ZNF385D: variants seen among roughly 807,000 people sequenced by gnomAD.
ZNF385D encodes the protein zinc finger protein 659.
A neutral mutation model predicts 35.8 loss-of-function variants in ZNF385D; 15 were observed. That is an observed-to-expected ratio of 0.42 (90% CI 0.28 to 0.64). ZNF385D has a LOEUF of 0.64. Among genes scored for constraint, ZNF385D ranks in the 30% least tolerant of loss-of-function variants. The pLI is 0.23. For missense variants in ZNF385D, 474 were observed against 494.6 expected (o/e 0.96, Z 0.39); for synonymous variants, 212 against 186.8 (o/e 1.13, Z -1.10).
chr3:22,270,768 C>A (rs1475194789), intron 2 of ZNF385D, among the ~76,000 whole-genome samples: 3 of 152,046 alleles, frequency 2.0e-5, no homozygotes, highest in East Asian at 1.9e-4. Context: ...CGTAGTGAAT[C>A]TTACCCCGAC....
intron 2 of ZNF385D, among the ~76,000 whole-genome samples, chr3:22,176,527 CATTAA>C (rs1179673015): frequency 6.6e-6 from 1 of 152,122 alleles, no homozygotes; most frequent in Non-Finnish European, 1.5e-5. Context: ...CACAGCATCA[CATTAA>C]ATTTGTTGGT....
intron 3 of ZNF385D, among the ~76,000 whole-genome samples, chr3:21,779,898 C>CA (rs1431950044): frequency 6.6e-6 from 1 of 151,646 alleles, no homozygotes; most frequent in Non-Finnish European, 1.5e-5. Flanking sequence ...ATACTTAGTC[C>CA]GAAAATTAAA....
intron 2 of ZNF385D, among the ~76,000 whole-genome samples, chr3:22,218,281 T>C (rs980554838): frequency 6.6e-6 from 1 of 152,122 alleles, no homozygotes. Context: ...CTTATTCACC[T>C]TTGACTAATT....
chr3:22,346,151 T>A lies in ZNF385D; in HGVS notation c.106+26299A>T, dbSNP rs1165850212. On this transcript the variant is annotated intron_variant, in intron 2 of 5. Transcript: ENST00000494108. ...GACATACATGAATTTATTTTCATATTTCCCACTCCTGTTAGCCTTTATGCC... is the reference window on the plus strand; with the variant it reads ...GACATACATGAATTTATTTTCATATATCCCACTCCTGTTAGCCTTTATGCC... 2.6e-5 allele frequency among the ~76,000 whole-genome samples: 4 copies of A among 152,220 alleles called. No homozygotes were observed. The South Asian group carries it at 8.3e-4, about 32-fold the overall frequency.
At chr3:21,980,857 G>C (rs547574334) in intron 3 of ZNF385D, among the ~76,000 whole-genome samples, 1 of 152,072 alleles carries the variant, frequency 6.6e-6, no homozygotes, top group Non-Finnish European at 1.5e-5. Context: ...AAGGATAATA[G>C]CCTCCAGTTC....
At chr3:21,710,851 C>T (rs1347051464) in intron 1 of ZNF385D, among the ~76,000 whole-genome samples, 1 of 152,084 alleles carries the variant, frequency 6.6e-6, no homozygotes, top group African/African-American at 2.4e-5. Context: ...AATTGATCCA[C>T]AGCCTTGATG....
At chr3:21,807,904 T>C (rs1475035668) in intron 3 of ZNF385D, among the ~76,000 whole-genome samples, 1 of 152,200 alleles carries the variant, frequency 6.6e-6, no homozygotes, top group Non-Finnish European at 1.5e-5. Flanking sequence ...TTTTAGTATG[T>C]AAGCTAAATT....
At chr3:21,821,190 T>C (rs1694199686) in intron 3 of ZNF385D, among the ~76,000 whole-genome samples, 1 of 151,814 alleles carries the variant, frequency 6.6e-6, no homozygotes, top group African/African-American at 2.4e-5. Context: ...TAGTAGAAGG[T>C]GGTAAAATTA....
intron 1 of ZNF385D, among the ~76,000 whole-genome samples, chr3:21,691,968 G>A (rs1276209818): frequency 6.6e-6 from 1 of 152,068 alleles, no homozygotes; most frequent in Admixed American, 6.6e-5. Context: ...CCTAGGCGTG[G>A]AGTCATATAA....
chr3:21,783,473 A>G (rs1221932611), intron 3 of ZNF385D, among the ~76,000 whole-genome samples: 2 of 152,122 alleles, frequency 1.3e-5, no homozygotes, highest in African/African-American at 4.8e-5. Context: ...ACCATTTGAT[A>G]TAATATTTTT....
intron 2 of ZNF385D, among the ~76,000 whole-genome samples, chr3:22,185,757 T>C (rs1427540762): frequency 2.0e-5 from 3 of 152,192 alleles, no homozygotes; most frequent in African/African-American, 7.2e-5. Flanking sequence ...TGAGCCACCA[T>C]GCCCTGTCCA....
At chr3:22,067,554 T>C (rs1461338571) in intron 3 of ZNF385D, among the ~76,000 whole-genome samples, 1 of 151,890 alleles carries the variant, frequency 6.6e-6, no homozygotes, top group African/African-American at 2.4e-5. Flanking sequence ...CCATTTCCTC[T>C]CTTTCTAATG....
At chr3:22,110,783 T>C (rs1216749494) in intron 3 of ZNF385D, among the ~76,000 whole-genome samples, 2 of 139,048 alleles carry the variant, frequency 1.4e-5, no homozygotes, top group African/African-American at 5.0e-5. Flanking sequence ...AAACTTAAAG[T>C]ATAATAAAAA....
rs1257404972 is a variant in ZNF385D at position 22,204,863 on chromosome 3, GA to G, written c.107-35829del. Among the ~76,000 whole-genome samples the G allele has an allele frequency of 2.0e-5, 3 of 147,624 alleles. No individual in the cohort carries two copies. The East Asian group carries it at 6.0e-4, about 30-fold the overall frequency. ...CAATGAAGCATGCCTACAAGATCTA[GA>G]AAATAGCCTCAAAAGGGCAAATCTA... On this transcript the variant is annotated intron_variant, in intron 2 of 5. Coordinates refer to the ZNF385D transcript ENST00000494108.
chr3:22,140,218 C>G (rs1704419152), intron 3 of ZNF385D, among the ~76,000 whole-genome samples: 1 of 152,130 alleles, frequency 6.6e-6, no homozygotes, highest in Non-Finnish European at 1.5e-5. Flanking sequence ...TGTAGTACAT[C>G]ATCTATACAA....
At chr3:21,554,372 G>C (rs2062664237) in intron 3 of ZNF385D, among the ~76,000 whole-genome samples, 2 of 152,114 alleles carry the variant, frequency 1.3e-5, no homozygotes, top group Admixed American at 1.3e-4. Flanking sequence ...TAAATCTCAA[G>C]AGTGGGCTTA....
At chr3:22,077,521 T>C (rs1700523023) in intron 3 of ZNF385D, among the ~76,000 whole-genome samples, 1 of 151,986 alleles carries the variant, frequency 6.6e-6, no homozygotes, top group African/African-American at 2.4e-5. Flanking sequence ...CAGAAATTGG[T>C]CTTCTTTTGT....
At chr3:21,924,270 C>A (rs1171668937) in intron 3 of ZNF385D, among the ~76,000 whole-genome samples, 1 of 152,086 alleles carries the variant, frequency 6.6e-6, no homozygotes, top group South Asian at 2.1e-4. Context: ...GAGAAGAAGG[C>A]AAATTCACAA....
chr3:21,678,877 T>G (rs1195394853), intron 1 of ZNF385D, among the ~76,000 whole-genome samples: 1 of 152,132 alleles, frequency 6.6e-6, no homozygotes, highest in African/African-American at 2.4e-5. Context: ...TTTGCTTGCC[T>G]ATTTATACAG....
Sources: gnomAD v4.1 joint callset for allele counts (sites outside exome capture counted in the v4.1 genomes callset) on GRCh38, gnomAD v4.1.1 for gene constraint, MANE v1.5 for transcripts, NCBI Gene and HGNC (gene_info 2026-07-23, HGNC 2026-07-21) for gene names.